Variants in SH2D4A observed in about 807,000 individuals in gnomAD.
SH2D4A encodes SH2 domain-containing protein 4A.
SH2D4A carries 70 observed loss-of-function variants against 64.7 expected under a neutral mutation model. The ratio of observed to expected loss-of-function variants is 1.08; its 90% CI spans 0.89 to 1.32. The LOEUF (loss-of-function observed/expected upper bound fraction) is 1.32, where lower values mean the gene tolerates loss of function less well. Among genes scored for constraint, SH2D4A ranks in the 40% most tolerant of loss-of-function variants. The pLI, the probability that SH2D4A is intolerant of heterozygous loss-of-function variation, is 0.00. For missense variants in SH2D4A, 706 were observed against 540.1 expected (o/e 1.31, Z -3.04); for synonymous variants, 268 against 200.7 (o/e 1.34, Z -2.83).
intron 5 of SH2D4A, 68 bp downstream of exon 5, chr8:19,357,351 T>G (rs1347501619): frequency 6.3e-6 from 7 of 1,113,158 alleles, no homozygotes; most frequent in Non-Finnish European, 6.8e-6. Context: ...TTTCACAGAT[T>G]AGTTAATTAA....
intron 4 of SH2D4A, among the ~76,000 whole-genome samples, chr8:19,336,332 A>G (rs1281694858): frequency 2.6e-5 from 4 of 152,322 alleles, no homozygotes; most frequent in South Asian, 4.1e-4. Flanking sequence ...ATGAAGGGCT[A>G]CAAATATGAG....
chr8:19,356,649 C>T (rs1354837688), intron 4 of SH2D4A, among the ~76,000 whole-genome samples: 1 of 152,262 alleles, frequency 6.6e-6, no homozygotes, highest in African/African-American at 2.4e-5. Context: ...GGGGAGGTTG[C>T]CTCATGGGAA....
chr8:19,318,642 G>A (rs1163010021), intron 1 of SH2D4A, among the ~76,000 whole-genome samples: 1 of 152,168 alleles, frequency 6.6e-6, no homozygotes, highest in Admixed American at 6.5e-5. Context: ...ATTAAACTAG[G>A]TTATCTGGAA....
rs867620467 is a variant in SH2D4A, at chr8:19,319,324, T to C, written c.-204-20T>C. ...CACATTTTAACACGCTGCCTGAATGTGGGCTCTTTCTCTCTGCAGGTTCAG... is the reference window on the plus strand; with the variant it reads ...CACATTTTAACACGCTGCCTGAATGCGGGCTCTTTCTCTCTGCAGGTTCAG... On this transcript the variant is annotated intron_variant, in intron 1 of 9. Transcript: ENST00000265807. 4.8e-5 allele frequency: 57 copies of C among 1,199,784 alleles called. No homozygotes were observed. In the African/African-American group the frequency reaches 7.5e-4, roughly 16 times the overall value. 74.3% of individuals were successfully genotyped at this position (1,199,784 alleles called of 1,614,324 possible). A position where few individuals can be genotyped will look rare whatever the true frequency, so the allele number is the denominator to read the frequency against.
intron 4 of SH2D4A, among the ~76,000 whole-genome samples, chr8:19,354,608 AG>A (rs1210278469): frequency 6.6e-6 from 1 of 152,254 alleles, no homozygotes; most frequent in Non-Finnish European, 1.5e-5. Context: ...CAATGATGAT[AG>A]GAAAAAATGT....
intron 6 of SH2D4A, among the ~76,000 whole-genome samples, chr8:19,362,546 C>A (rs2052909177): frequency 6.6e-6 from 1 of 152,078 alleles, no homozygotes; most frequent in Admixed American, 6.6e-5. Context: ...TCAAGACCAG[C>A]CTGGCCAACA....
At chr8:19,330,832 T>C (rs944129714) in intron 2 of SH2D4A, among the ~76,000 whole-genome samples, 15 of 152,092 alleles carry the variant, frequency 9.9e-5, no homozygotes, top group African/African-American at 3.4e-4. Context: ...AAAAAAATAT[T>C]ATTAGTTGGC....
chr8:19,324,122 C>T lies in SH2D4A; in HGVS notation c.181+4394C>T, dbSNP rs572031944. On this transcript the variant is annotated intron_variant, in intron 2 of 9. Coordinates refer to ENST00000265807, the MANE Select transcript of SH2D4A (RefSeq NM_022071.4). Reference sequence around the variant, plus strand: ...CTTGCGCACATCTAAAACATGTGCTCGCGTCAGGAATCTGCCACAGAGCCT... The same window carrying T: ...CTTGCGCACATCTAAAACATGTGCTTGCGTCAGGAATCTGCCACAGAGCCT... Among the ~76,000 whole-genome samples the T allele has an allele frequency of 2.1e-4, 32 of 152,284 alleles. No individual in the cohort carries two copies. In the South Asian group the frequency reaches 5.4e-3, roughly 26 times the overall value.
intron 2 of SH2D4A, among the ~76,000 whole-genome samples, chr8:19,329,469 A>G (rs1413577054): frequency 3.3e-5 from 5 of 152,132 alleles, no homozygotes; most frequent in Admixed American, 6.5e-5. Context: ...GAGGACAGGG[A>G]CTACTAGAAT....
chr8:19,390,625 A>G (rs2053476511), intron 8 of SH2D4A, among the ~76,000 whole-genome samples: 1 of 152,198 alleles, frequency 6.6e-6, no homozygotes, highest in Non-Finnish European at 1.5e-5. Context: ...TACAAAGCAA[A>G]AAAAGCAAAG....
chr8:19,379,957 A>C (rs1563210286), intron 8 of SH2D4A, among the ~76,000 whole-genome samples: 1 of 152,026 alleles, frequency 6.6e-6, no homozygotes, highest in Non-Finnish European at 1.5e-5. Flanking sequence ...GCTGGTCTCA[A>C]ATTCCTGGCC....
At chr8:19,366,234 ATT>A (rs536314592) in intron 7 of SH2D4A, among the ~76,000 whole-genome samples, 36 of 152,284 alleles carry the variant, frequency 2.4e-4, no homozygotes, top group African/African-American at 6.5e-4. Context: ...ATATATATAT[ATT>A]GTGTAGTGAT....
rs991991887 is a variant in SH2D4A at position 19,367,394 on chromosome 8, T to C, written c.917+3112T>C. Among the ~76,000 whole-genome samples, 6 of 152,344 alleles carry C rather than the reference T, an allele frequency of 3.9e-5. No individual in the cohort carries two copies. The South Asian group carries it at 1.0e-3, about 26-fold the overall frequency. On this transcript the variant is annotated intron_variant, in intron 7 of 9. Coordinates refer to ENST00000265807, the MANE Select transcript of SH2D4A (RefSeq NM_022071.4). ...TATGAGAGTTCTCCTTTCTCTAGAT[T>C]CTCACCAGCATTTGTTTTTGGTTTG...
intron 4 of SH2D4A, among the ~76,000 whole-genome samples, chr8:19,346,670 G>T (rs1042089913): frequency 3.3e-5 from 5 of 152,202 alleles, no homozygotes; most frequent in African/African-American, 1.2e-4. Flanking sequence ...GGGAACTGGG[G>T]CAGTAAGGGA....
At chr8:19,360,808 C>T in intron 5 of SH2D4A, 1 of 154,084 alleles carries the variant, frequency 6.5e-6, no homozygotes, top group Non-Finnish European at 1.4e-5. Flanking sequence ...TTACATCCTT[C>T]AGGGAGTCAG....
intron 9 of SH2D4A, among the ~76,000 whole-genome samples, chr8:19,393,969 T>TGCAC (rs1220995213): frequency 6.6e-6 from 1 of 152,172 alleles, no homozygotes; most frequent in African/African-American, 2.4e-5. Flanking sequence ...TATAATGAAA[T>TGCAC]AATTATACAG....
chr8:19,339,495 CTTTTTTTTTT>C (rs5889867), intron 4 of SH2D4A, among the ~76,000 whole-genome samples: 1 of 129,026 alleles, frequency 7.8e-6, no homozygotes, highest in Non-Finnish European at 1.6e-5. Flanking sequence ...TATAAACTTT[CTTTTTTTTTT>C]TTTTTTTTCT....
chr8:19,362,931 A>C (rs1224343662), intron 6 of SH2D4A, among the ~76,000 whole-genome samples: 2 of 152,152 alleles, frequency 1.3e-5, no homozygotes, highest in Non-Finnish European at 2.9e-5. Context: ...CTTAACATTC[A>C]CTGAGCACTC....
intron 4 of SH2D4A, among the ~76,000 whole-genome samples, chr8:19,336,965 G>A (rs1430223180): frequency 1.3e-5 from 2 of 151,882 alleles, no homozygotes; most frequent in Non-Finnish European, 2.9e-5. Flanking sequence ...AGATTAAAAT[G>A]GAAATTAAAA....
Sources: gnomAD v4.1 joint callset for allele counts (sites outside exome capture counted in the v4.1 genomes callset) on GRCh38, gnomAD v4.1.1 for gene constraint, MANE v1.5 for transcripts, NCBI Gene and HGNC (gene_info 2026-07-23, HGNC 2026-07-21) for gene names.